FSHR: variants seen among roughly 807,000 people sequenced by gnomAD.
FSHR encodes the protein follicle-stimulating hormone receptor.
A neutral mutation model predicts 52.1 loss-of-function variants in FSHR; 46 were observed. The ratio of observed to expected loss-of-function variants is 0.88; its 90% CI spans 0.70 to 1.13. The LOEUF (loss-of-function observed/expected upper bound fraction) is 1.13. Ranked by LOEUF, FSHR falls within the 50% of genes most tolerant of loss-of-function variation. FSHR has a pLI of 0.00. For synonymous variants in FSHR, 399 were observed against 309.6 expected, an observed-to-expected ratio of 1.29 and a Z score of -3.03; for missense variants, 964 against 834.6, an observed-to-expected ratio of 1.16 and a Z score of -1.91.
chr2:49,123,839 G>A (rs1225709869), intron 1 of FSHR, among the ~76,000 whole-genome samples: 1 of 152,140 alleles, frequency 6.6e-6, no homozygotes, highest in African/African-American at 2.4e-5. Flanking sequence ...ATCATCAGGG[G>A]AGGGAGGGTT....
intron 9 of FSHR, among the ~76,000 whole-genome samples, chr2:48,965,822 C>G (rs1321017362): frequency 1.3e-5 from 2 of 152,228 alleles, no homozygotes; most frequent in East Asian, 3.8e-4. Context: ...TAACTTATGT[C>G]TCTGAGATAA....
intron 1 of FSHR, among the ~76,000 whole-genome samples, chr2:49,117,955 G>A (rs1671664904): frequency 1.3e-5 from 2 of 152,300 alleles, no homozygotes; most frequent in Admixed American, 6.5e-5. Flanking sequence ...TTATAAAGGA[G>A]CTCCACAGTT....
intron 1 of FSHR, among the ~76,000 whole-genome samples, chr2:49,118,655 A>G (rs1320302626): frequency 1.3e-5 from 2 of 152,200 alleles, no homozygotes; most frequent in East Asian, 3.9e-4. Flanking sequence ...GAACAACTAG[A>G]CCCAATGTGA....
intron 1 of FSHR, among the ~76,000 whole-genome samples, chr2:49,135,338 C>T (rs761266525): frequency 6.6e-6 from 1 of 151,686 alleles, no homozygotes; most frequent in Non-Finnish European, 1.5e-5. Flanking sequence ...ACAAATATGT[C>T]AAAATTAACC....
chr2:49,053,997 G>C (rs1668963573), intron 2 of FSHR, among the ~76,000 whole-genome samples: 1 of 152,144 alleles, frequency 6.6e-6, no homozygotes, highest in Non-Finnish European at 1.5e-5. Context: ...CAGATCTAAA[G>C]AGAGAAGAAA....
chr2:49,059,328 A>G (rs1217081159), intron 2 of FSHR, among the ~76,000 whole-genome samples: 1 of 152,206 alleles, frequency 6.6e-6, no homozygotes, highest in Admixed American at 6.5e-5. Flanking sequence ...AAGCCTAATC[A>G]AAAAAGAACA....
intron 5 of FSHR, among the ~76,000 whole-genome samples, chr2:48,989,999 G>C (rs992195928): frequency 6.6e-6 from 1 of 151,946 alleles, no homozygotes; most frequent in Non-Finnish European, 1.5e-5. Context: ...CTTCCTCTCT[G>C]CTTAGCTCCT....
At chr2:49,120,535 TC>T (rs1452739304) in intron 1 of FSHR, among the ~76,000 whole-genome samples, 3 of 152,206 alleles carry the variant, frequency 2.0e-5, no homozygotes, top group African/African-American at 7.2e-5. Context: ...TAATATTATG[TC>T]CTTGAAAGAG....
rs990862911 is a variant in FSHR at position 48,982,922 on chromosome 2, G to A, written c.658C>T (p.Pro220Ser). The A allele has an allele frequency of 6.2e-7, 1 of 1,613,342 alleles. No individual in the cohort carries two copies. Among genetic ancestry groups the A allele is most frequent in the South Asian group, 1.1e-5 (1 of 91,066 alleles). ...PNDVFHGASG[P>S]VILDISRTRI... ...GGGAAAGCTACTCACAGAATGACTG[G>A]TCCAGAGGCTCCGTGGAAAACATCA... The change falls in exon 8 of 10, where the codon CCA becomes TCA. Residue 220 changes from proline to serine, a missense_variant. Physicochemically the swap from Pro to Ser is moderately conservative, Grantham distance 74. Coordinates refer to ENST00000406846, the MANE Select transcript of FSHR (RefSeq NM_000145.4).
chr2:48,986,764 T>C (rs1482290257), intron 6 of FSHR, among the ~76,000 whole-genome samples: 1 of 152,198 alleles, frequency 6.6e-6, no homozygotes, highest in Non-Finnish European at 1.5e-5. Flanking sequence ...GAAGTTCTTA[T>C]TTCCTCAGGT....
chr2:49,083,088 C>T (rs1485267788), intron 1 of FSHR, among the ~76,000 whole-genome samples: 1 of 151,324 alleles, frequency 6.6e-6, no homozygotes, highest in Non-Finnish European at 1.5e-5. Flanking sequence ...TTAAGGGCAG[C>T]CAGAGAGAAA....
intron 4 of FSHR, among the ~76,000 whole-genome samples, chr2:48,994,214 C>T (rs76620454): frequency 4.6e-5 from 7 of 152,234 alleles, no homozygotes; most frequent in Admixed American, 6.5e-5. Flanking sequence ...ACTCATTCAA[C>T]GTTATTTGGG....
intron 1 of FSHR, among the ~76,000 whole-genome samples, chr2:49,112,505 T>G (rs1003284051): frequency 1.3e-5 from 2 of 152,210 alleles, no homozygotes; most frequent in African/African-American, 4.8e-5. Context: ...TTATGTTATT[T>G]GCTGTACATT....
intron 2 of FSHR, among the ~76,000 whole-genome samples, chr2:49,036,767 T>C (rs1572663438): frequency 6.6e-6 from 1 of 152,316 alleles, no homozygotes; most frequent in East Asian, 1.9e-4. Flanking sequence ...GAGAGGGTGA[T>C]AAACTATCAC....
intron 1 of FSHR, among the ~76,000 whole-genome samples, chr2:49,136,451 A>C (rs1007414862): frequency 6.6e-6 from 1 of 152,152 alleles, no homozygotes; most frequent in African/African-American, 2.4e-5. Flanking sequence ...TGAAGAATAA[A>C]TACCAATTAT....
At chr2:48,983,246 A>C in intron 6 of FSHR, 80 bp from the exon 7 acceptor site, 2 of 1,307,196 alleles carry the variant, frequency 1.5e-6, no homozygotes, top group South Asian at 2.4e-5. Flanking sequence ...AGCACTGAGC[A>C]AGGGCAGACA....
At chr2:49,146,463 A>G (rs4971665) in intron 1 of FSHR, among the ~76,000 whole-genome samples, 43,742 of 151,828 alleles carry the variant, frequency 0.29, 6,609 homozygotes, top group East Asian at 0.48. Context: ...GATCCCTCAT[A>G]AATTCTTTGT....
At chr2:48,976,357 G>A (rs1252403330) in intron 8 of FSHR, among the ~76,000 whole-genome samples, 1 of 152,192 alleles carries the variant, frequency 6.6e-6, no homozygotes, top group African/African-American at 2.4e-5. Flanking sequence ...TGGTGGATAA[G>A]CTTTTTGATG....
intron 4 of FSHR, among the ~76,000 whole-genome samples, chr2:48,996,743 C>T (rs1013202201): frequency 6.6e-6 from 1 of 152,078 alleles, no homozygotes; most frequent in African/African-American, 2.4e-5. Context: ...CATGTCAAGA[C>T]ACTCAAATTT....
Sources: allele counts gnomAD v4.1 joint callset (sites outside exome capture counted in the v4.1 genomes callset), GRCh38; gene constraint gnomAD v4.1.1; transcripts MANE v1.5; gene names NCBI Gene and HGNC (gene_info 2026-07-23, HGNC 2026-07-21).